PCBP3: variants seen among roughly 807,000 people sequenced by gnomAD.
PCBP3 encodes poly(rC)-binding protein 3.
In PCBP3, 25 loss-of-function variants were observed where a neutral mutation model predicts 52.7. That is an observed-to-expected ratio of 0.47 (90% CI 0.35 to 0.66). PCBP3 has a LOEUF of 0.66. PCBP3 is among the 30% of genes least tolerant of loss of function. The pLI, the probability that PCBP3 is intolerant of heterozygous loss-of-function variation, is 0.01. For missense variants in PCBP3, 391 were observed against 490.3 expected (o/e 0.80, Z 1.91); for synonymous variants, 162 against 183.0 (o/e 0.89, Z 0.93).
intron 1 of PCBP3, among the ~76,000 whole-genome samples, chr21:45,650,638 A>G (rs1419872715): frequency 2.0e-5 from 3 of 152,060 alleles, no homozygotes; most frequent in Non-Finnish European, 4.4e-5. Flanking sequence ...TTCTTTTTGT[A>G]GAATAAGGGT....
At chr21:45,845,858 A>G (rs933926518) in intron 4 of PCBP3, among the ~76,000 whole-genome samples, 1 of 152,258 alleles carries the variant, frequency 6.6e-6, no homozygotes, top group Admixed American at 6.5e-5. Flanking sequence ...CAGCCAGTTC[A>G]GCATGTTCAG....
At chr21:45,783,946 C>T (rs2090844528) in intron 4 of PCBP3, among the ~76,000 whole-genome samples, 1 of 152,168 alleles carries the variant, frequency 6.6e-6, no homozygotes, top group African/African-American at 2.4e-5. Context: ...GAAAAGAACT[C>T]AGACTCACTG....
chr21:45,745,945 C>T (rs1194101869), intron 3 of PCBP3, among the ~76,000 whole-genome samples: 1 of 150,508 alleles, frequency 6.6e-6, no homozygotes, highest in African/African-American at 2.5e-5. Context: ...TAGCGCCACA[C>T]GGTGTTGTGT....
chr21:45,816,593 C>T (rs958244436), intron 4 of PCBP3, among the ~76,000 whole-genome samples: 1 of 146,526 alleles, frequency 6.8e-6, no homozygotes, highest in Non-Finnish European at 1.5e-5. Context: ...GGGTCAGAAT[C>T]GTGCATGCCA....
intron 4 of PCBP3, among the ~76,000 whole-genome samples, chr21:45,792,667 A>AAG (rs1188812027): frequency 6.6e-6 from 1 of 152,216 alleles, no homozygotes; most frequent in Non-Finnish European, 1.5e-5. Context: ...ATTGATTATT[A>AAG]AGAGAGAGAA....
chr21:45,887,648 A>G (rs1030837765), intron 5 of PCBP3, among the ~76,000 whole-genome samples: 1 of 152,338 alleles, frequency 6.6e-6, no homozygotes, highest in Non-Finnish European at 1.5e-5. Flanking sequence ...CACCCAGGCA[A>G]ACAGCGTCGC....
At position 45,875,520 on chromosome 21, in the gene PCBP3, G is replaced by A. The variant is rs61247985; in HGVS notation, c.11-20688G>A. ...TCTGCTACTGGGCTCCTGGGAAAGT[G>A]CAGAGTCAGTTGGGGCCACTCTGGC... On this transcript the variant is annotated intron_variant, in intron 5 of 17. Coordinates refer to ENST00000681687, the MANE Select transcript of PCBP3 (RefSeq NM_001384156.1). Among the ~76,000 whole-genome samples the A allele has an allele frequency of 7.9e-5, 12 of 152,350 alleles. No homozygotes were observed. The East Asian group carries it at 2.3e-3, about 29-fold the overall frequency.
At chr21:45,844,001 G>A (rs2093752871) in intron 4 of PCBP3, among the ~76,000 whole-genome samples, 1 of 151,944 alleles carries the variant, frequency 6.6e-6, no homozygotes, top group Non-Finnish European at 1.5e-5. Context: ...GGCGATTTGG[G>A]GCCTGTGACC....
intron 9 of PCBP3, among the ~76,000 whole-genome samples, chr21:45,906,839 G>A (rs1479185952): frequency 3.3e-5 from 5 of 152,216 alleles, no homozygotes; most frequent in African/African-American, 9.7e-5. Context: ...TCCAATCAAG[G>A]GCCCAAGGGT....
intron 2 of PCBP3, among the ~76,000 whole-genome samples, chr21:45,709,845 C>A (rs1423953960): frequency 6.6e-6 from 1 of 152,196 alleles, no homozygotes; most frequent in Non-Finnish European, 1.5e-5. Context: ...TCCTCAGGCT[C>A]CTCTTGGCTG....
intron 2 of PCBP3, among the ~76,000 whole-genome samples, chr21:45,684,227 AAAAAC>A (rs1025520418): frequency 6.6e-6 from 1 of 152,152 alleles, no homozygotes; most frequent in African/African-American, 2.4e-5. Context: ...CCCTGTCTCT[AAAAAC>A]AAAAGCAAAC....
At chr21:45,826,685 G>A (rs1397812083) in intron 4 of PCBP3, among the ~76,000 whole-genome samples, 1 of 152,190 alleles carries the variant, frequency 6.6e-6, no homozygotes, top group Admixed American at 6.5e-5. Flanking sequence ...GGGACGACAT[G>A]GTGGTGAGTT....
chr21:45,776,606 A>G (rs1569209554), intron 4 of PCBP3, among the ~76,000 whole-genome samples: 1 of 151,904 alleles, frequency 6.6e-6, no homozygotes, highest in Admixed American at 6.6e-5. Context: ...GGATTGATCC[A>G]TTTATCATTA....
At chr21:45,856,590 C>T (rs983078677) in intron 5 of PCBP3, among the ~76,000 whole-genome samples, 2 of 148,182 alleles carry the variant, frequency 1.3e-5, no homozygotes, top group African/African-American at 2.6e-5. Context: ...GTGTGGCACG[C>T]CCCCCCCACC....
intron 2 of PCBP3, among the ~76,000 whole-genome samples, chr21:45,670,692 T>A (rs948778499): frequency 6.6e-6 from 1 of 152,172 alleles, no homozygotes; most frequent in Non-Finnish European, 1.5e-5. Flanking sequence ...CAGTGCAAAT[T>A]GAGGGGTGGT....
At chr21:45,877,690 C>T (rs566267204) in intron 5 of PCBP3, among the ~76,000 whole-genome samples, 1 of 152,306 alleles carries the variant, frequency 6.6e-6, no homozygotes, top group Non-Finnish European at 1.5e-5. Flanking sequence ...CCTGTAGTCC[C>T]AGCCACTCAG....
At chr21:45,840,013 T>G (rs2093666119) in intron 4 of PCBP3, among the ~76,000 whole-genome samples, 1 of 151,904 alleles carries the variant, frequency 6.6e-6, no homozygotes, top group African/African-American at 2.4e-5. Context: ...AACCAAAAGT[T>G]TAAAAATAAA....
intron 4 of PCBP3, chr21:45,761,902 G>C (rs569290846): frequency 1.3e-5 from 2 of 152,400 alleles, no homozygotes; most frequent in East Asian, 3.9e-4. Context: ...CGCAGCTCCC[G>C]TTATCCTGAT....
chr21:45,906,850 T>C lies in PCBP3; in HGVS notation c.340-2505T>C, dbSNP rs570355800. On this transcript the variant is annotated intron_variant, in intron 9 of 17. Coordinates refer to ENST00000681687, the MANE Select transcript of PCBP3 (RefSeq NM_001384156.1). ...GTTTTCCAATCAAGGGCCCAAGGGT[T>C]ACAGTTCAGGGCTGGAAAATAGGGA... Among the ~76,000 whole-genome samples, 4 of 152,358 alleles carry C rather than the reference T, an allele frequency of 2.6e-5. No individual in the cohort carries two copies. In the East Asian group the frequency reaches 5.8e-4, roughly 22 times the overall value.
Sources: gnomAD v4.1 joint callset for allele counts (sites outside exome capture counted in the v4.1 genomes callset) on GRCh38, gnomAD v4.1.1 for gene constraint, MANE v1.5 for transcripts, NCBI Gene and HGNC (gene_info 2026-07-23, HGNC 2026-07-21) for gene names.